The following SLC44A5 variants were observed in gnomAD, a reference collection of about 807,000 sequenced individuals.
SLC44A5 encodes the protein solute carrier family 44 member 5, also known as choline transporter-like protein 5.
SLC44A5 carries 57 observed loss-of-function variants against 101.8 expected under a neutral mutation model. The ratio of observed to expected loss-of-function variants is 0.56; its 90% CI spans 0.45 to 0.70. SLC44A5 has a LOEUF of 0.70. Ranked by LOEUF, SLC44A5 falls within the 30% of genes least tolerant of loss-of-function variation. SLC44A5 has a pLI of 0.00. For missense variants in SLC44A5, 737 were observed against 853.1 expected, an observed-to-expected ratio of 0.86 and a Z score of 1.70; for synonymous variants, 281 against 290.9, an observed-to-expected ratio of 0.97 and a Z score of 0.35.
chr1:75,585,919 A>C (rs1363920791), intron 1 of SLC44A5, among the ~76,000 whole-genome samples: 2 of 152,172 alleles, frequency 1.3e-5, no homozygotes, highest in African/African-American at 4.8e-5. Context: ...CAAGTTCCCA[A>C]GTGATGCTGC....
chr1:75,603,484 G>A (rs1249992869), intron 1 of SLC44A5, among the ~76,000 whole-genome samples: 1 of 151,158 alleles, frequency 6.6e-6, no homozygotes, highest in Non-Finnish European at 1.5e-5. Context: ...TTTGTTTTTT[G>A]AGGATATATG....
intron 2 of SLC44A5, among the ~76,000 whole-genome samples, chr1:75,439,101 T>A (rs1665049346): frequency 6.6e-6 from 1 of 152,094 alleles, no homozygotes; most frequent in African/African-American, 2.4e-5. Context: ...GTCACAGCCT[T>A]CATTAATGAA....
At chr1:75,354,188 T>C (rs1002080017) in intron 3 of SLC44A5, among the ~76,000 whole-genome samples, 1 of 152,226 alleles carries the variant, frequency 6.6e-6, no homozygotes, top group African/African-American at 2.4e-5. Context: ...ATCATCCTAG[T>C]GCCACAGGAA....
Position 75,477,622 on chromosome 1 carries a change from C to T in SLC44A5, c.13+63813G>A, listed in dbSNP as rs563726434. Among the ~76,000 whole-genome samples, 80 of 151,932 alleles carry T rather than the reference C, an allele frequency of 5.3e-4. 1 individual carries two copies. The highest frequency in any genetic ancestry group is 1.7e-3 in the African/African-American group (69 of 41,428). The stretch of plus-strand genomic sequence containing the variant: ...TGAAGAATGCAGAAGCCTCAGGAGC[C>T]GATGTGATCAACTGGAAGAAAGGGT... On this transcript the variant is annotated intron_variant, in intron 2 of 23. Transcript: ENST00000370859.
At chr1:75,621,687 A>C in the SLC44A5 span, among the ~76,000 whole-genome samples, 1 of 152,168 alleles carries the variant, frequency 6.6e-6, no homozygotes, top group African/African-American at 2.4e-5. Flanking sequence ...AGGATGTCAA[A>C]TGATCCAAAC....
the SLC44A5 span, among the ~76,000 whole-genome samples, chr1:75,714,633 G>A: frequency 6.6e-6 from 1 of 152,166 alleles, no homozygotes; most frequent in Non-Finnish European, 1.5e-5. Flanking sequence ...AAGCTCCTAA[G>A]TCTGATAAAC....
the SLC44A5 span, among the ~76,000 whole-genome samples, chr1:75,647,052 T>A: frequency 2.0e-5 from 3 of 152,082 alleles, no homozygotes; most frequent in South Asian, 6.2e-4. Context: ...ATGTCAGAGG[T>A]CTTCACAGTA....
At chr1:75,367,192 C>T (rs185084855) in intron 3 of SLC44A5, among the ~76,000 whole-genome samples, 1 of 152,314 alleles carries the variant, frequency 6.6e-6, no homozygotes, top group African/African-American at 2.4e-5. Flanking sequence ...TAAATACCTT[C>T]TCCTGTTAGG....
chr1:75,427,045 GCTAC>G (rs1189433267), intron 2 of SLC44A5, among the ~76,000 whole-genome samples: 1 of 152,170 alleles, frequency 6.6e-6, no homozygotes, highest in African/African-American at 2.4e-5. Flanking sequence ...AGCCCTGCCG[GCTAC>G]TCAGGTTCCA....
intron 13 of SLC44A5, among the ~76,000 whole-genome samples, chr1:75,223,892 A>G (rs914996828): frequency 5.9e-5 from 9 of 152,210 alleles, no homozygotes; most frequent in Non-Finnish European, 8.8e-5. Flanking sequence ...TAACCATATT[A>G]TGCTAAAATT....
intron 6 of SLC44A5, among the ~76,000 whole-genome samples, chr1:75,272,108 A>G (rs1651528686): frequency 6.6e-6 from 1 of 151,972 alleles, no homozygotes; most frequent in Non-Finnish European, 1.5e-5. Context: ...CTATTTGTAT[A>G]TCTTCTGTTG....
At chr1:75,670,411 C>A in the SLC44A5 span, among the ~76,000 whole-genome samples, 1 of 152,102 alleles carries the variant, frequency 6.6e-6, no homozygotes, top group African/African-American at 2.4e-5. Context: ...AAATTACATA[C>A]AACAGAATGA....
intron 2 of SLC44A5, among the ~76,000 whole-genome samples, chr1:75,495,582 A>G (rs2101823273): frequency 6.6e-6 from 1 of 152,138 alleles, no homozygotes; most frequent in South Asian, 2.1e-4. Flanking sequence ...CATAGAGCTG[A>G]ATAATACAAT....
At chr1:75,695,044 A>G in the SLC44A5 span, among the ~76,000 whole-genome samples, 1 of 152,206 alleles carries the variant, frequency 6.6e-6, no homozygotes, top group African/African-American at 2.4e-5. Flanking sequence ...TTAATCAGAC[A>G]GAACTATTAC....
At chr1:75,388,742 GC>G (rs1020017917) in intron 3 of SLC44A5, among the ~76,000 whole-genome samples, 1 of 151,240 alleles carries the variant, frequency 6.6e-6, no homozygotes, top group Non-Finnish European at 1.5e-5. Flanking sequence ...TCGCTCCACT[GC>G]ACTCCAGCCT....
intron 2 of SLC44A5, among the ~76,000 whole-genome samples, chr1:75,460,858 C>T (rs1450828137): frequency 6.6e-6 from 1 of 152,086 alleles, no homozygotes; most frequent in Non-Finnish European, 1.5e-5. Context: ...TCACTTACAT[C>T]CAACTACCTT....
At chr1:75,648,925 T>G in the SLC44A5 span, among the ~76,000 whole-genome samples, 39 of 152,338 alleles carry the variant, frequency 2.6e-4, no homozygotes, top group African/African-American at 9.1e-4. Flanking sequence ...TTGCAGAGGT[T>G]GAAATATATT....
At chr1:75,610,409 T>C (rs944814069) in intron 1 of SLC44A5, among the ~76,000 whole-genome samples, 6 of 152,050 alleles carry the variant, frequency 3.9e-5, no homozygotes, top group Admixed American at 3.9e-4. Context: ...ATACCGACAA[T>C]ATTTTGGGCT....
In SLC44A5 at chr1:75,218,491, G is replaced by T; in HGVS notation, c.1528C>A (p.Arg510=). The stretch of plus-strand genomic sequence containing the variant: ...TGTAGGCTTCAACTTGAAACTTACC[G>T]TATGGCTCGTCCAAATGCAGTAAAA... The part of the protein sequence containing the change: ...PLFTAFGRAI[R]YHTGSLAFGS... Residue 510 remains arginine, a splice_region_variant and synonymous_variant, in exon 17 of 24, where the codon CGA becomes AGA. Coordinates refer to ENST00000370859, the MANE Select transcript of SLC44A5 (RefSeq NM_001130058.2). 1 of 1,613,506 alleles carries T rather than the reference G, an allele frequency of 6.2e-7. No homozygotes were observed. Among genetic ancestry groups the T allele is most frequent in the Non-Finnish European group, 8.5e-7 (1 of 1,179,544 alleles).
Sources: allele counts gnomAD v4.1 joint callset (sites outside exome capture counted in the v4.1 genomes callset), GRCh38; gene constraint gnomAD v4.1.1; transcripts MANE v1.5; gene names NCBI Gene and HGNC (gene_info 2026-07-23, HGNC 2026-07-21).